Variants in DEFB110 observed in about 807,000 individuals in gnomAD.
The protein encoded by DEFB110 is beta-defensin 110.
In DEFB110, 4 loss-of-function variants were observed where a neutral mutation model predicts 2.5. That is an observed-to-expected ratio of 1.60 (90% CI 0.79 to 3.66). DEFB110 has a LOEUF of 3.66. Among genes scored for constraint, DEFB110 ranks in the 30% most tolerant of loss-of-function variants. DEFB110 has a pLI of 0.01. For synonymous variants in DEFB110, 29 were observed against 21.8 expected, an observed-to-expected ratio of 1.33 and a Z score of -0.92; for missense variants, 94 against 75.4, an observed-to-expected ratio of 1.25 and a Z score of -0.91.
downstream of DEFB110, among the ~76,000 whole-genome samples, chr6:50,016,851 C>T (rs1347651877): frequency 1.3e-5 from 2 of 151,718 alleles, no homozygotes; most frequent in African/African-American, 4.8e-5. Flanking sequence ...AAGTAAAGGC[C>T]ACCTTAGAAA....
At chr6:50,010,528 T>C (rs1437044677) in intron 1 of DEFB110, among the ~76,000 whole-genome samples, 1 of 150,616 alleles carries the variant, frequency 6.6e-6, no homozygotes, top group Admixed American at 6.7e-5. Flanking sequence ...CATGTTAATA[T>C]ATATATATAT....
intron 1 of DEFB110, 64 bp from the exon 2 acceptor site, chr6:50,019,189 G>A: frequency 1.3e-6 from 2 of 1,532,130 alleles, no homozygotes; most frequent in Non-Finnish European, 1.8e-6. Flanking sequence ...GTTTTAAAAG[G>A]AGAAAGTCCA....
At chr6:50,014,617 A>G (rs1774285038), downstream of DEFB110, among the ~76,000 whole-genome samples, 1 of 151,784 alleles carries the variant, frequency 6.6e-6, no homozygotes, top group African/African-American at 2.4e-5. Flanking sequence ...TGTGAAGAAT[A>G]CCTACAGCCT....
chr6:50,010,340 G>A lies in DEFB110; in HGVS notation c.56-1069C>T, dbSNP rs530993382. Among the ~76,000 whole-genome samples the A allele has an allele frequency of 7.2e-5, 11 of 151,832 alleles. No homozygotes were observed. In the South Asian group the frequency reaches 1.2e-3, roughly 17 times the overall value. On this transcript the variant is annotated intron_variant, in intron 1 of 1. Transcript: ENST00000393660. ...GAATCGAATTGGAATTTAGAAAAAT[G>A]TTTCATTTCAAATCAAAATGGTAGG...
downstream of DEFB110, chr6:50,018,712 C>G: frequency 1.2e-6 from 1 of 818,516 alleles, no homozygotes; most frequent in Non-Finnish European, 1.6e-6. Flanking sequence ...AGTTGTGGAA[C>G]TTGTGGAACA....
At chr6:50,021,498 C>A (rs553706853) in intron 1 of DEFB110, among the ~76,000 whole-genome samples, 2 of 152,274 alleles carry the variant, frequency 1.3e-5, no homozygotes, top group South Asian at 4.1e-4. Context: ...AAAGTAAAAT[C>A]TCTCTCCATT....
chr6:50,012,688 C>T (rs1310336262), intron 1 of DEFB110, among the ~76,000 whole-genome samples: 1 of 151,814 alleles, frequency 6.6e-6, no homozygotes, highest in Admixed American at 6.6e-5. Flanking sequence ...ATTAAAATAA[C>T]CTTTTCTTAA....
downstream of DEFB110, among the ~76,000 whole-genome samples, chr6:50,016,965 T>C (rs1047293409): frequency 1.3e-5 from 2 of 151,650 alleles, no homozygotes; most frequent in African/African-American, 4.8e-5. Context: ...ACATGTTTTT[T>C]AGAAAATCTC....
At chr6:50,015,236 T>G (rs549689580), downstream of DEFB110, among the ~76,000 whole-genome samples, 1 of 151,946 alleles carries the variant, frequency 6.6e-6, no homozygotes, top group South Asian at 2.1e-4. Context: ...TATTATGGAC[T>G]TAGCTTCTAT....
At chr6:50,020,593 G>A (rs1436410202) in intron 1 of DEFB110, among the ~76,000 whole-genome samples, 1 of 152,136 alleles carries the variant, frequency 6.6e-6, no homozygotes, top group Non-Finnish European at 1.5e-5. Context: ...CAGTCTGTCT[G>A]CAGTTCCAAC....
chr6:50,021,950 T>G lies in DEFB110; in HGVS notation c.-15A>C. ...TGAATCTTCATGGTAGAGAGTTTCT[T>G]AAAAAAAGGGGGCAACAGACCTCCT... On this transcript the variant is annotated 5_prime_UTR_variant, in exon 1 of 2. Transcript: ENST00000371148. The G allele has an allele frequency of 6.5e-7, 1 of 1,535,940 alleles. No homozygotes were observed. The highest frequency in any genetic ancestry group is 8.7e-7 in the Non-Finnish European group (1 of 1,151,314).
At chr6:50,011,507 T>C (rs1774227881) in intron 1 of DEFB110, among the ~76,000 whole-genome samples, 1 of 151,990 alleles carries the variant, frequency 6.6e-6, no homozygotes, top group South Asian at 2.1e-4. Flanking sequence ...GTACCACAAA[T>C]AGAGTGGAGA....
At chr6:50,011,714 G>A (rs1309960024) in intron 1 of DEFB110, among the ~76,000 whole-genome samples, 1 of 151,980 alleles carries the variant, frequency 6.6e-6, no homozygotes, top group Non-Finnish European at 1.5e-5. Flanking sequence ...CTCTGAGGGT[G>A]ACTGCTTCAC....
At chr6:50,009,764 C>T (rs937904488) in intron 1 of DEFB110, among the ~76,000 whole-genome samples, 4 of 152,026 alleles carry the variant, frequency 2.6e-5, no homozygotes, top group Non-Finnish European at 4.4e-5. Flanking sequence ...GGCAACTGAT[C>T]GAGAAAACTC....
In DEFB110 at chr6:50,021,896, C is replaced by A; in HGVS notation, c.40G>T (p.Val14Phe). ...TGCATATTACCTGGTAAAATTGTGA[C>A]CCAAAAGTGCAGAATAAAGAAAAAA... The part of the protein sequence containing the change: ...QLFFFILHFW[V>F]TILPAKKKYP... The change falls in exon 1 of 2, where the codon GTC (valine) becomes TTC (phenylalanine). Residue 14 changes from valine (V) to phenylalanine (F), a missense_variant. Physicochemically the swap from Val to Phe is conservative, Grantham distance 50 (BLOSUM62 -1). Transcript: ENST00000371148. 2 of 1,554,008 alleles carry A rather than the reference C, an allele frequency of 1.3e-6. No individual in the cohort carries two copies. Among genetic ancestry groups the A allele is most frequent in the Non-Finnish European group, 1.7e-6 (2 of 1,158,412 alleles).
chr6:50,010,850 C>T (rs1454007649), intron 1 of DEFB110, among the ~76,000 whole-genome samples: 3 of 151,506 alleles, frequency 2.0e-5, no homozygotes, highest in Non-Finnish European at 4.4e-5. Context: ...AACTCTAAAA[C>T]CACCAAAGTC....
downstream of DEFB110, among the ~76,000 whole-genome samples, chr6:50,018,328 C>T (rs1231565966): frequency 6.6e-6 from 1 of 151,856 alleles, no homozygotes; most frequent in Non-Finnish European, 1.5e-5. Context: ...GTTATTTTCT[C>T]CTCTTCTTTC....
chr6:50,020,922 C>T (rs183819655), intron 1 of DEFB110, among the ~76,000 whole-genome samples: 1 of 152,256 alleles, frequency 6.6e-6, no homozygotes, highest in East Asian at 1.9e-4. Flanking sequence ...TCACTTTTGG[C>T]AAAAGTTCTG....
intron 1 of DEFB110, among the ~76,000 whole-genome samples, chr6:50,011,626 C>A (rs1378396128): frequency 1.3e-5 from 2 of 151,946 alleles, no homozygotes; most frequent in Non-Finnish European, 2.9e-5. Context: ...GTTAGTTTTT[C>A]CAAATGGTAT....
Sources: allele counts gnomAD v4.1 joint callset (sites outside exome capture counted in the v4.1 genomes callset), GRCh38; gene constraint gnomAD v4.1.1; transcripts MANE v1.5; gene names NCBI Gene and HGNC (gene_info 2026-07-23, HGNC 2026-07-21).